Variants in STRN3 observed in about 807,000 individuals in gnomAD.
STRN3 encodes the protein striatin-3.
In STRN3, 29 loss-of-function variants were observed where a neutral mutation model predicts 95.6. The observed-to-expected ratio is 0.30, with a 90% confidence interval of 0.23 to 0.41. STRN3 has a LOEUF of 0.41. Ranked by LOEUF, STRN3 falls within the 10% of genes least tolerant of loss-of-function variation. The pLI, the probability that STRN3 is intolerant of heterozygous loss-of-function variation, is 1.00. For synonymous variants in STRN3, 331 were observed against 357.6 expected (o/e 0.93, Z 0.84); for missense variants, 890 against 972.1 (o/e 0.92, Z 1.12).
chr14:30,935,022 A>C, intron 7 of STRN3, 141 bp downstream of exon 7: 1 of 1,052,596 alleles, frequency 9.5e-7, no homozygotes, highest in Non-Finnish European at 1.3e-6. Context: ...AAATACCTTG[A>C]TATTATTCAA....
intron 1 of STRN3, among the ~76,000 whole-genome samples, chr14:30,981,148 C>CA (rs144284706): frequency 1.0e-4 from 15 of 150,360 alleles, no homozygotes; most frequent in African/African-American, 3.7e-4. Context: ...CTTGTCTCTA[C>CA]AAAAAAAAGT....
At chr14:30,898,284 TA>T (rs1466493845) in intron 16 of STRN3, among the ~76,000 whole-genome samples, 3 of 152,322 alleles carry the variant, frequency 2.0e-5, no homozygotes, top group Middle Eastern at 3.4e-3. Flanking sequence ...GCCTTGATGG[TA>T]AGTTTCAATT....
intron 1 of STRN3, among the ~76,000 whole-genome samples, chr14:31,017,781 TAC>T (rs1272968197): frequency 1.3e-5 from 2 of 151,934 alleles, no homozygotes; most frequent in Non-Finnish European, 2.9e-5. Context: ...AAAGCGAGCA[TAC>T]ACAGTTATTT....
intron 1 of STRN3, chr14:31,018,682 T>A (rs1883360114): frequency 2.2e-6 from 1 of 464,294 alleles, no homozygotes; most frequent in Admixed American, 2.5e-5. Context: ...CAGTTGGTGG[T>A]TTAATTGAGC....
At chr14:30,917,458 A>T (rs1191531773) in intron 9 of STRN3, among the ~76,000 whole-genome samples, 2 of 152,160 alleles carry the variant, frequency 1.3e-5, no homozygotes, top group Non-Finnish European at 2.9e-5. Context: ...TGCACTTTAA[A>T]TGTACATTAA....
At chr14:30,976,645 A>G (rs1213487135) in intron 1 of STRN3, among the ~76,000 whole-genome samples, 2 of 152,272 alleles carry the variant, frequency 1.3e-5, no homozygotes, top group Admixed American at 6.5e-5. Flanking sequence ...TAACAACTTT[A>G]AAAGATTAGA....
At chr14:30,899,719 G>A (rs1896252595) in intron 16 of STRN3, among the ~76,000 whole-genome samples, 1 of 151,830 alleles carries the variant, frequency 6.6e-6, no homozygotes, top group South Asian at 2.1e-4. Flanking sequence ...CCATTCCTAA[G>A]GCAAAGCTTC....
chr14:31,022,324 G>C (rs991845304), intron 1 of STRN3, among the ~76,000 whole-genome samples: 1 of 150,686 alleles, frequency 6.6e-6, no homozygotes, highest in South Asian at 2.1e-4. Flanking sequence ...AGCTTGCAGT[G>C]AGCCAAGATG....
intron 1 of STRN3, among the ~76,000 whole-genome samples, chr14:31,020,212 C>G (rs1446026478): frequency 6.6e-6 from 1 of 152,098 alleles, no homozygotes; most frequent in Non-Finnish European, 1.5e-5. Flanking sequence ...AGAAAGTGTT[C>G]AATAGGTCAG....
intron 1 of STRN3, among the ~76,000 whole-genome samples, chr14:30,976,033 GA>G (rs1282726119): frequency 2.0e-5 from 3 of 152,042 alleles, no homozygotes; most frequent in African/African-American, 4.8e-5. Flanking sequence ...TGCAAAAACA[GA>G]AAAGAGTTAC....
intron 9 of STRN3, among the ~76,000 whole-genome samples, chr14:30,915,489 T>C (rs143086612): frequency 3.3e-5 from 5 of 152,328 alleles, no homozygotes; most frequent in South Asian, 2.1e-4. Context: ...ATGACACTTA[T>C]TGAATCTGAA....
At chr14:30,905,332 T>C (rs1896432973) in intron 15 of STRN3, 86 bp downstream of exon 15, 2 of 1,294,768 alleles carry the variant, frequency 1.5e-6, no homozygotes, top group Non-Finnish European at 2.0e-6. Flanking sequence ...ATTCAAATAG[T>C]GAAAATATGA....
chr14:30,905,280 T>A (rs1401765598), intron 15 of STRN3, 138 bp downstream of exon 15: 2 of 933,762 alleles, frequency 2.1e-6, no homozygotes, highest in East Asian at 3.1e-5. Flanking sequence ...TATAAATAAG[T>A]ATAACTGTAA....
intron 1 of STRN3, among the ~76,000 whole-genome samples, chr14:31,003,383 T>C (rs1180788249): frequency 2.0e-5 from 3 of 151,220 alleles, no homozygotes; most frequent in Admixed American, 6.6e-5. Context: ...AGCTGGATCA[T>C]AGACCTTGCT....
chr14:30,909,064 T>G lies in STRN3; in HGVS notation c.1720+1977A>C, dbSNP rs146707589. 7.9e-4 allele frequency among the ~76,000 whole-genome samples: 120 copies of G among 152,346 alleles called. 1 individual carries two copies. The East Asian group carries it at 7.9e-3, about 10-fold the overall frequency. On this transcript the variant is annotated intron_variant, in intron 13 of 17. Transcript: ENST00000357479. ...CTCAGTTACTCACATCAAACAGGAC[T>G]GAATGTTCTGAATGTTTGAAATGTT... is the stretch of plus-strand genomic sequence containing the variant.
chr14:30,990,198 T>C (rs1881887373), intron 1 of STRN3, among the ~76,000 whole-genome samples: 1 of 151,060 alleles, frequency 6.6e-6, no homozygotes, highest in African/African-American at 2.5e-5. Context: ...AGTATCACTC[T>C]GTTACCCAGG....
At chr14:30,925,293 A>C (rs1896999515) in intron 8 of STRN3, among the ~76,000 whole-genome samples, 1 of 152,130 alleles carries the variant, frequency 6.6e-6, no homozygotes, top group South Asian at 2.1e-4. Flanking sequence ...GAGACACAGA[A>C]ACTTTAACTT....
chr14:30,896,246 G>A (rs1896145247), intron 16 of STRN3, among the ~76,000 whole-genome samples: 1 of 152,154 alleles, frequency 6.6e-6, no homozygotes, highest in South Asian at 2.1e-4. Context: ...TCCTAAAAAA[G>A]ACATCTGTGT....
intron 1 of STRN3, among the ~76,000 whole-genome samples, chr14:31,015,211 G>T (rs894663959): frequency 2.6e-5 from 4 of 152,142 alleles, no homozygotes; most frequent in Non-Finnish European, 5.9e-5. Flanking sequence ...CAGGAAGGCT[G>T]CTTCAGAATT....
Sources: gnomAD v4.1 joint callset for allele counts (sites outside exome capture counted in the v4.1 genomes callset) on GRCh38, gnomAD v4.1.1 for gene constraint, MANE v1.5 for transcripts, NCBI Gene and HGNC (gene_info 2026-07-23, HGNC 2026-07-21) for gene names.